BNIP3L: variants seen among roughly 807,000 people sequenced by gnomAD.
BNIP3L encodes the protein BCL2 interacting protein 3 like, also known as BCL2/adenovirus E1B 19 kDa protein-interacting protein 3-like.
Under a neutral mutation model 25.5 loss-of-function variants are expected in BNIP3L, and 10 were observed. The observed-to-expected ratio is 0.39, with a 90% CI of 0.24 to 0.67. BNIP3L has a LOEUF of 0.67. BNIP3L is among the 30% of genes least tolerant of loss of function. The probability of loss-of-function intolerance (pLI) is 0.45; values close to 1 mark genes in which losing one functional copy is unlikely to be tolerated. For missense variants in BNIP3L, 215 were observed against 270.9 expected (o/e 0.79, Z 1.45); for synonymous variants, 113 against 101.2 (o/e 1.12, Z -0.70).
At chr8:26,388,735 C>G (rs1806043662) in intron 1 of BNIP3L, among the ~76,000 whole-genome samples, 2 of 152,022 alleles carry the variant, frequency 1.3e-5, no homozygotes, top group African/African-American at 4.8e-5. Context: ...CTTTGGGAGG[C>G]TGAGGTGGGA....
chr8:26,411,786 A>G lies in BNIP3L; in HGVS notation c.*1374A>G, dbSNP rs2117502433. The G allele has an allele frequency of 6.5e-6, 1 of 152,756 alleles. No individual in the cohort carries two copies. Among genetic ancestry groups the G allele is most frequent in the South Asian group, 2.1e-4 (1 of 4,830 alleles). The allele number at this position is 152,756 out of a possible 1,614,324, so 9.5% of individuals were successfully genotyped here. ...TTCAGAACATCTAGCATGACTCTGAAGGATACCACATGTTTTATATATAAA... is the reference window on the plus strand; with the variant it reads ...TTCAGAACATCTAGCATGACTCTGAGGGATACCACATGTTTTATATATAAA... On this transcript the variant is annotated 3_prime_UTR_variant, in exon 6 of 6. Coordinates refer to ENST00000380629, the MANE Select transcript of BNIP3L (RefSeq NM_004331.3).
At chr8:26,404,049 C>G (rs1387845625) in intron 3 of BNIP3L, among the ~76,000 whole-genome samples, 1 of 152,148 alleles carries the variant, frequency 6.6e-6, no homozygotes, top group Non-Finnish European at 1.5e-5. Flanking sequence ...GCTCACAAAG[C>G]CATGAGAATG....
chr8:26,400,593 C>T (rs1806347621), intron 3 of BNIP3L, among the ~76,000 whole-genome samples: 1 of 142,188 alleles, frequency 7.0e-6, no homozygotes, highest in South Asian at 2.4e-4. Flanking sequence ...AGAGCTTCTA[C>T]ACAGCAAAAG....
At chr8:26,391,203 T>A (rs1475895198) in intron 1 of BNIP3L, 40 bp from the exon 2 acceptor site, 1 of 1,524,216 alleles carries the variant, frequency 6.6e-7, no homozygotes, top group Non-Finnish European at 8.8e-7. Context: ...ATGACAGATT[T>A]CAGTTCTGCT....
At chr8:26,399,652 T>C (rs1806324798) in intron 3 of BNIP3L, among the ~76,000 whole-genome samples, 1 of 60,390 alleles carries the variant, frequency 1.7e-5, no homozygotes, top group Admixed American at 1.5e-4. Context: ...ATGACATGAT[T>C]GTTTATCTAG....
At chr8:26,406,293 G>A (rs377147428) in intron 3 of BNIP3L, among the ~76,000 whole-genome samples, 2 of 152,124 alleles carry the variant, frequency 1.3e-5, no homozygotes, top group African/African-American at 4.8e-5. Flanking sequence ...TCGAAACCTT[G>A]GAAAATGTTT....
chr8:26,390,502 A>G lies in BNIP3L; in HGVS notation c.101-741A>G, dbSNP rs967515275. On this transcript the variant is annotated intron_variant, in intron 1 of 5. Transcript: ENST00000380629. ...GAAACCCGTGGGAGAGAAAAGAAAA[A>G]AGACAAGTTCACAAGGTATGTTTAG... 1.3e-4 allele frequency: 129 copies of G among 985,350 alleles called. No homozygotes were observed. In the African/African-American group the frequency reaches 2.1e-3, roughly 16 times the overall value. 61.0% of individuals were successfully genotyped at this position (985,350 alleles called of 1,614,324 possible).
chr8:26,390,221 T>G (rs1449510127), intron 1 of BNIP3L: 1 of 471,446 alleles, frequency 2.1e-6, no homozygotes, highest in South Asian at 9.0e-5. Context: ...CCCAAAGTGC[T>G]GGGATTACAT....
rs1412224490 is a variant in BNIP3L at position 26,412,198 on chromosome 8, C to T, written c.*1786C>T. 6.6e-6 allele frequency: 1 copy of T among 152,008 alleles called. No homozygotes were observed. The highest frequency in any genetic ancestry group is 2.4e-5 in the African/African-American group (1 of 41,384). 9.4% of individuals were successfully genotyped at this position (152,008 alleles called of 1,614,324 possible). ...TTAAACCTGGTAACACTTGATTTGC[C>T]TTCTATAACCTATTTATTTCAAGTG... On this transcript the variant is annotated 3_prime_UTR_variant, in exon 6 of 6. Coordinates refer to ENST00000380629, the MANE Select transcript of BNIP3L (RefSeq NM_004331.3).
chr8:26,403,938 A>G (rs984575302), intron 3 of BNIP3L, among the ~76,000 whole-genome samples: 4 of 152,212 alleles, frequency 2.6e-5, no homozygotes, highest in Non-Finnish European at 4.4e-5. Flanking sequence ...TAAGATCACA[A>G]AGCAAGTCAC....
At chr8:26,402,283 C>G (rs1268599556) in intron 3 of BNIP3L, among the ~76,000 whole-genome samples, 1 of 152,144 alleles carries the variant, frequency 6.6e-6, no homozygotes, top group Non-Finnish European at 1.5e-5. Flanking sequence ...ATAAGATGAT[C>G]TGACTGGAGC....
rs529907743 is a variant in BNIP3L at position 26,390,270 on chromosome 8, T to C, written c.101-973T>C. ...TACCTGGCCTCAACTCTTGTTAAAA[T>C]TAAAGCACCTTAATACGTTTAGCAA... On this transcript the variant is annotated intron_variant, in intron 1 of 5. Transcript: ENST00000380629. The C allele has an allele frequency of 5.1e-4, 449 of 877,702 alleles. 10 individuals carry two copies. In the South Asian group the frequency reaches 0.021, roughly 41 times the overall value. 54.4% of individuals were successfully genotyped at this position (877,702 alleles called of 1,614,324 possible). A position where few individuals can be genotyped will look rare whatever the true frequency, so the allele number is the denominator to read the frequency against.
intron 1 of BNIP3L, among the ~76,000 whole-genome samples, chr8:26,385,499 C>G (rs1015619376): frequency 6.6e-6 from 1 of 150,764 alleles, no homozygotes; most frequent in African/African-American, 2.4e-5. Flanking sequence ...GCTATTCAGG[C>G]GGCTGAGGCA....
At chr8:26,394,109 G>A (rs1314950045) in intron 2 of BNIP3L, among the ~76,000 whole-genome samples, 2 of 152,088 alleles carry the variant, frequency 1.3e-5, no homozygotes, top group Non-Finnish European at 2.9e-5. Flanking sequence ...TGTGTATGTA[G>A]TGAAGGATCC....
At chr8:26,401,132 CATT>C (rs1321043589) in intron 3 of BNIP3L, among the ~76,000 whole-genome samples, 28 of 140,316 alleles carry the variant, frequency 2.0e-4, no homozygotes, top group African/African-American at 7.2e-4. Context: ...TTTATTGCGG[CATT>C]ATTCACGATA....
chr8:26,386,566 C>T (rs1237972237), intron 1 of BNIP3L, among the ~76,000 whole-genome samples: 1 of 152,130 alleles, frequency 6.6e-6, no homozygotes, highest in East Asian at 1.9e-4. Context: ...TCCCAAGTAG[C>T]TAGGACTGCA....
intron 3 of BNIP3L, among the ~76,000 whole-genome samples, chr8:26,401,944 C>G (rs1406466166): frequency 6.6e-6 from 1 of 152,160 alleles, no homozygotes; most frequent in South Asian, 2.1e-4. Context: ...CATTAGAGTA[C>G]AAATTCTTGA....
At chr8:26,387,271 A>G (rs1806012441) in intron 1 of BNIP3L, among the ~76,000 whole-genome samples, 1 of 152,238 alleles carries the variant, frequency 6.6e-6, no homozygotes, top group African/African-American at 2.4e-5. Flanking sequence ...GTTTCTCTGA[A>G]TCTCTTAGTC....
chr8:26,391,906 A>T (rs896543191), intron 2 of BNIP3L, among the ~76,000 whole-genome samples: 1 of 152,228 alleles, frequency 6.6e-6, no homozygotes, highest in Non-Finnish European at 1.5e-5. Flanking sequence ...CACTCAGTAA[A>T]TGTTTGATTC....
Sources: allele counts gnomAD v4.1 joint callset (sites outside exome capture counted in the v4.1 genomes callset), GRCh38; gene constraint gnomAD v4.1.1; transcripts MANE v1.5; gene names NCBI Gene and HGNC (gene_info 2026-07-23, HGNC 2026-07-21).